The following ME3 variants were observed in gnomAD, a reference collection of about 807,000 sequenced individuals.
ME3 encodes malic enzyme 3.
In ME3, 48 loss-of-function variants were observed where a neutral mutation model predicts 68.9. That is an observed-to-expected ratio of 0.70 (90% CI 0.55 to 0.89). The LOEUF is 0.89. Ranked by LOEUF, ME3 falls within the 40% of genes least tolerant of loss-of-function variation. The pLI is 0.00. For missense variants in ME3, 675 were observed against 797.4 expected (o/e 0.85, Z 1.85); for synonymous variants, 320 against 318.8 (o/e 1.00, Z -0.04).
At chr11:86,593,208 T>TCG in intron 2 of ME3, among the ~76,000 whole-genome samples, 4 of 147,710 alleles carry the variant, frequency 2.7e-5, no homozygotes, top group African/African-American at 7.5e-5. Flanking sequence ...TTCACTCACA[T>TCG]AGTAAAAGTT....
chr11:86,559,816 G>A, exon 3 of ME3: 2 of 1,613,680 alleles, frequency 1.2e-6, no homozygotes, highest in Non-Finnish European at 1.7e-6. Flanking sequence ...AAGGGTAAAG[G>A]CCATCCCCTG....
chr11:86,463,767 G>C (rs988247789), intron 8 of ME3, among the ~76,000 whole-genome samples: 1 of 152,150 alleles, frequency 6.6e-6, no homozygotes, highest in East Asian at 1.9e-4. Flanking sequence ...CCTGTAATAT[G>C]GACCATAATG....
At chr11:86,493,904 A>G (rs760080264) in intron 6 of ME3, among the ~76,000 whole-genome samples, 2 of 152,174 alleles carry the variant, frequency 1.3e-5, no homozygotes, top group African/African-American at 2.4e-5. Flanking sequence ...TCTGACATTA[A>G]AAACCCTCAT....
At chr11:86,590,016 A>G (rs962534350) in intron 2 of ME3, among the ~76,000 whole-genome samples, 5 of 152,158 alleles carry the variant, frequency 3.3e-5, no homozygotes, top group African/African-American at 1.2e-4. Context: ...ATTTTAATAT[A>G]ACTTACTCAG....
chr11:86,508,702 A>C, intron 5 of ME3, 90 bp downstream of exon 5: 1 of 1,248,756 alleles, frequency 8.0e-7, no homozygotes, highest in Non-Finnish European at 1.2e-6. Flanking sequence ...CAGTGTCATA[A>C]TGGCTCATTT....
chr11:86,552,493 C>T (rs1030188638), intron 4 of ME3, among the ~76,000 whole-genome samples: 1 of 152,298 alleles, frequency 6.6e-6, no homozygotes, highest in African/African-American at 2.4e-5. Flanking sequence ...ACTTGCCACC[C>T]TTGTTATCTC....
At chr11:86,589,311 G>T (rs1958919579) in intron 2 of ME3, among the ~76,000 whole-genome samples, 1 of 152,030 alleles carries the variant, frequency 6.6e-6, no homozygotes. Context: ...TTAGTGCCTG[G>T]CTTGTAGTAG....
intron 7 of ME3, among the ~76,000 whole-genome samples, chr11:86,485,764 C>T (rs1951650338): frequency 6.6e-6 from 1 of 152,186 alleles, no homozygotes; most frequent in South Asian, 2.1e-4. Flanking sequence ...CTTGCTCTTT[C>T]CCGTTTTCTC....
chr11:86,569,936 T>A (rs1368820478), intron 2 of ME3, among the ~76,000 whole-genome samples: 2 of 152,100 alleles, frequency 1.3e-5, no homozygotes, highest in African/African-American at 4.8e-5. Context: ...GTTGACTGAG[T>A]TGAGTTTTTT....
rs1051866547 is a variant in ME3 at position 86,582,478 on chromosome 11, A to T, written c.184-22655T>A. Among the ~76,000 whole-genome samples, 32 of 152,314 alleles carry T rather than the reference A, an allele frequency of 2.1e-4. No homozygotes were observed. The East Asian group carries it at 2.5e-3, about 12-fold the overall frequency. ...CAGAAGAAAGATAAAAGTCCTGTAC[A>T]AATGCTAATCCTTAACACACATTCA... On this transcript the variant is annotated intron_variant, in intron 2 of 14. Coordinates refer to ENST00000543262, the Ensembl canonical transcript of ME3.
intron 7 of ME3, among the ~76,000 whole-genome samples, chr11:86,469,363 G>T (rs1950657919): frequency 6.6e-6 from 1 of 152,128 alleles, no homozygotes; most frequent in Non-Finnish European, 1.5e-5. Flanking sequence ...AATATGGGGG[G>T]TGAGTGTCTT....
At chr11:86,468,519 G>A (rs1447926518) in intron 7 of ME3, among the ~76,000 whole-genome samples, 5 of 152,168 alleles carry the variant, frequency 3.3e-5, no homozygotes, top group Admixed American at 2.6e-4. Context: ...TGATACTATA[G>A]TTTAATGTTT....
intron 2 of ME3, among the ~76,000 whole-genome samples, chr11:86,580,764 T>G (rs1958398502): frequency 6.6e-6 from 1 of 152,230 alleles, no homozygotes; most frequent in Non-Finnish European, 1.5e-5. Flanking sequence ...TACTGGCCAC[T>G]GCAGTCCATT....
chr11:86,480,560 C>T (rs1951342948), intron 7 of ME3, among the ~76,000 whole-genome samples: 3 of 152,150 alleles, frequency 2.0e-5, no homozygotes, highest in African/African-American at 2.4e-5. Context: ...CCAAGCAGGC[C>T]GTTTCACTGT....
rs189489311 is a variant in ME3, at chr11:86,547,375, C to G, written c.467+9178G>C. Among the ~76,000 whole-genome samples, 34 of 150,398 alleles carry G rather than the reference C, an allele frequency of 2.3e-4. 1 individual carries two copies. The East Asian group carries it at 6.5e-3, about 29-fold the overall frequency. ...AACCATCATTCTCAGCAAACTAACA[C>G]AGGAACAGAAAACCAAACACTGCAT... On this transcript the variant is annotated intron_variant, in intron 4 of 14. Coordinates refer to ENST00000543262, the Ensembl canonical transcript of ME3.
chr11:86,534,343 TTTAAG>T (rs1344998023), intron 4 of ME3, among the ~76,000 whole-genome samples: 2 of 152,280 alleles, frequency 1.3e-5, no homozygotes, highest in East Asian at 3.9e-4. Flanking sequence ...TTTATACACT[TTTAAG>T]TTAATTTTTT....
At chr11:86,532,740 T>G (rs1955352043) in intron 4 of ME3, among the ~76,000 whole-genome samples, 1 of 152,184 alleles carries the variant, frequency 6.6e-6, no homozygotes, top group South Asian at 2.1e-4. Context: ...AGAGGAAAGT[T>G]TATAGCAATA....
intron 2 of ME3, among the ~76,000 whole-genome samples, chr11:86,645,616 G>T (rs1944958235): frequency 1.3e-5 from 2 of 152,272 alleles, no homozygotes; most frequent in South Asian, 2.1e-4. Flanking sequence ...GGTGGCTGTG[G>T]GTGCAGCTTC....
intron 2 of ME3, among the ~76,000 whole-genome samples, chr11:86,622,243 G>A (rs943738445): frequency 6.6e-6 from 1 of 152,052 alleles, no homozygotes; most frequent in Admixed American, 6.5e-5. Flanking sequence ...CACATGGATA[G>A]GTTGTGCCAG....
Sources: allele counts gnomAD v4.1 joint callset (sites outside exome capture counted in the v4.1 genomes callset), GRCh38; gene constraint gnomAD v4.1.1; transcripts MANE v1.5; gene names NCBI Gene and HGNC (gene_info 2026-07-23, HGNC 2026-07-21).